Variants in ADGRB1 observed in about 807,000 individuals in gnomAD.
The protein encoded by ADGRB1 is adhesion G protein-coupled receptor B1, also known as brain-specific angiogenesis inhibitor 1.
ADGRB1 carries 36 observed loss-of-function variants against 175.7 expected under a neutral mutation model. That is an observed-to-expected ratio of 0.20 (90% CI 0.16 to 0.27). ADGRB1 has a LOEUF of 0.27. ADGRB1 is among the 10% of genes least tolerant of loss of function. The pLI, the probability that ADGRB1 is intolerant of heterozygous loss-of-function variation, is 1.00. For missense variants in ADGRB1, 1,731 were observed against 2,255.3 expected (o/e 0.77, Z 4.71); for synonymous variants, 1,054 against 979.4 (o/e 1.08, Z -1.42).
At chr8:142,482,983 C>G (rs1291760443) in intron 11 of ADGRB1, among the ~76,000 whole-genome samples, 2 of 149,844 alleles carry the variant, frequency 1.3e-5, no homozygotes, top group East Asian at 4.1e-4. Context: ...GAGCCCAGAT[C>G]CTGGTCACAC....
chr8:142,521,627 G>A (rs935874130), intron 20 of ADGRB1, among the ~76,000 whole-genome samples: 3 of 152,256 alleles, frequency 2.0e-5, no homozygotes, highest in Non-Finnish European at 2.9e-5. Context: ...GGGGCGTGAC[G>A]TGCCCTCCCT....
At position 142,529,534 on chromosome 8, in the gene ADGRB1, A is replaced by C. The variant is rs375279458; in HGVS notation, c.3398+2907A>C. Among the ~76,000 whole-genome samples the C allele has an allele frequency of 1.4e-3, 217 of 152,068 alleles. 1 individual carries two copies. The South Asian group carries it at 0.017, about 12-fold the overall frequency. ...TGTACATGTGTAAGAGTGTGCCTTG[A>C]TGTGTGCAAGCATGCATCTATGTGT... On this transcript the variant is annotated intron_variant, in intron 24 of 30. Transcript: ENST00000517894.
At chr8:142,531,807 G>A (rs1430508834) in intron 24 of ADGRB1, among the ~76,000 whole-genome samples, 4 of 152,186 alleles carry the variant, frequency 2.6e-5, no homozygotes, top group African/African-American at 4.8e-5. Flanking sequence ...GTAGAGGGCC[G>A]GATGGAGGAG....
chr8:142,460,691 C>T (rs990999792), intron 1 of ADGRB1, among the ~76,000 whole-genome samples: 4 of 152,164 alleles, frequency 2.6e-5, no homozygotes, highest in Non-Finnish European at 4.4e-5. Flanking sequence ...TGGGCAGTTG[C>T]GCTGCCTGGC....
intron 24 of ADGRB1, among the ~76,000 whole-genome samples, chr8:142,527,835 A>G (rs769791930): frequency 3.9e-5 from 6 of 152,192 alleles, no homozygotes; most frequent in Non-Finnish European, 7.4e-5. Flanking sequence ...GGCAGATTCT[A>G]TGGTTATAGT....
chr8:142,457,077 T>C (rs1563673451), intron 1 of ADGRB1, among the ~76,000 whole-genome samples: 1 of 151,592 alleles, frequency 6.6e-6, no homozygotes, highest in African/African-American at 2.4e-5. Flanking sequence ...TGGCTTGGGG[T>C]GATGAGCCCT....
intron 1 of ADGRB1, among the ~76,000 whole-genome samples, chr8:142,453,067 G>T (rs1293510860): frequency 9.1e-6 from 1 of 110,368 alleles, no homozygotes; most frequent in South Asian, 3.6e-4. Flanking sequence ...CTCGCCGTCC[G>T]CTCCCGCCGC....
intron 18 of ADGRB1, among the ~76,000 whole-genome samples, chr8:142,515,942 C>T (rs1460764651): frequency 6.6e-6 from 1 of 151,334 alleles, no homozygotes; most frequent in African/African-American, 2.5e-5. Context: ...AGGTGAGCAG[C>T]GCTACCTGGG....
At chr8:142,497,628 G>A (rs1301445378) in intron 17 of ADGRB1, among the ~76,000 whole-genome samples, 3 of 152,196 alleles carry the variant, frequency 2.0e-5, no homozygotes, top group Non-Finnish European at 4.4e-5. Flanking sequence ...GTGGGGCCTC[G>A]GGGACAGGGG....
At chr8:142,506,740 G>C (rs1235817852) in intron 17 of ADGRB1, among the ~76,000 whole-genome samples, 1 of 152,208 alleles carries the variant, frequency 6.6e-6, no homozygotes, top group East Asian at 1.9e-4. Context: ...TGTTGAAAGA[G>C]GGAGGTCTGA....
At chr8:142,466,239 AG>A (rs35923424) in intron 2 of ADGRB1, among the ~76,000 whole-genome samples, 1 of 152,144 alleles carries the variant, frequency 6.6e-6, no homozygotes, top group African/African-American at 2.4e-5. Context: ...TGGGACCCTT[AG>A]GGGTACCCAG....
At chr8:142,469,248 CAT>C (rs1461238807) in intron 2 of ADGRB1, among the ~76,000 whole-genome samples, 4 of 150,212 alleles carry the variant, frequency 2.7e-5, no homozygotes, top group Non-Finnish European at 4.4e-5. Flanking sequence ...TGCACACATG[CAT>C]GTGTGTGAAT....
chr8:142,469,763 G>A (rs1380739780), intron 2 of ADGRB1, among the ~76,000 whole-genome samples: 1 of 152,130 alleles, frequency 6.6e-6, no homozygotes, highest in Non-Finnish European at 1.5e-5. Context: ...CTGTGTGAAT[G>A]TATGTGTGTA....
At chr8:142,535,214 C>T (rs1371152911) in intron 25 of ADGRB1, among the ~76,000 whole-genome samples, 1 of 152,166 alleles carries the variant, frequency 6.6e-6, no homozygotes, top group South Asian at 2.1e-4. Flanking sequence ...ACGGGAGCTG[C>T]AAAGGAGACA....
At position 142,478,329 on chromosome 8, in the gene ADGRB1, G is replaced by C. The variant is rs1380833362; in HGVS notation, c.1530G>C (p.Glu510Asp). Reference protein sequence around the residue: ...GGAECQGHWVETRDCFLQQCP... With the variant: ...GGAECQGHWVDTRDCFLQQCP... The stretch of plus-strand genomic sequence containing the variant: ...CGGAGTGCCAGGGCCACTGGGTGGA[G>C]ACCCGAGACTGCTTCCTGCAGCAGT... Residue 510 changes from glutamate (E) to aspartate (D), a missense_variant, in exon 7 of 31, where the codon GAG (glutamate) becomes GAC (aspartate). Physicochemically the swap from Glu to Asp is conservative, Grantham distance 45. Coordinates refer to ENST00000517894, the MANE Select transcript of ADGRB1 (RefSeq NM_001702.3). 1.2e-6 allele frequency: 2 copies of C among 1,609,252 alleles called. No homozygotes were observed. Among genetic ancestry groups the C allele is most frequent in the Admixed American group, 3.4e-5 (2 of 59,678 alleles).
intron 18 of ADGRB1, among the ~76,000 whole-genome samples, chr8:142,514,464 T>C (rs1170545659): frequency 6.6e-6 from 1 of 152,162 alleles, no homozygotes; most frequent in Non-Finnish European, 1.5e-5. Flanking sequence ...GCCACCTGTC[T>C]CAGAGTGGTG....
intron 24 of ADGRB1, among the ~76,000 whole-genome samples, chr8:142,530,817 G>A (rs930319552): frequency 1.3e-5 from 2 of 152,156 alleles, no homozygotes; most frequent in South Asian, 2.1e-4. Context: ...CCCGCACCCC[G>A]GGCACCTGCC....
chr8:142,537,672 C>T lies in ADGRB1; in HGVS notation c.3666+590C>T, dbSNP rs545020783. Reference sequence around the variant, plus strand: ...CCCCTGCCCATCCTGGTGTCCTCAGCGGTGTGTTCTGCACCCCCCGCCCCT... The same window carrying T: ...CCCCTGCCCATCCTGGTGTCCTCAGTGGTGTGTTCTGCACCCCCCGCCCCT... On this transcript the variant is annotated intron_variant, in intron 26 of 30. Coordinates refer to ENST00000517894, the MANE Select transcript of ADGRB1 (RefSeq NM_001702.3). This position sits in a 1 kb window ranked among gnomAD's most constrained non-coding sequence, Gnocchi z 4.6. Among the ~76,000 whole-genome samples the T allele has an allele frequency of 2.0e-5, 3 of 152,246 alleles. No homozygotes were observed. Among genetic ancestry groups the T allele is most frequent in the Admixed American group, 6.5e-5 (1 of 15,302 alleles).
intron 18 of ADGRB1, among the ~76,000 whole-genome samples, chr8:142,512,808 T>A (rs1273559036): frequency 6.6e-6 from 1 of 152,162 alleles, no homozygotes; most frequent in Non-Finnish European, 1.5e-5. Flanking sequence ...GGGCCTGGCT[T>A]AGGGAACTTG....
Sources: gnomAD v4.1 joint callset for allele counts (sites outside exome capture counted in the v4.1 genomes callset) on GRCh38, gnomAD v4.1.1 for gene constraint, Gnocchi (gnomAD v3.1) non-coding constraint, MANE v1.5 for transcripts, NCBI Gene and HGNC (gene_info 2026-07-23, HGNC 2026-07-21) for gene names.